SORCS1: variants seen among roughly 807,000 people sequenced by gnomAD.
SORCS1 encodes the protein VPS10 domain-containing receptor SorCS1.
SORCS1 carries 60 observed loss-of-function variants against 146.1 expected under a neutral mutation model. The ratio of observed to expected loss-of-function variants is 0.41; its 90% confidence interval spans 0.33 to 0.51. SORCS1 has a LOEUF of 0.51. Among genes scored for constraint, SORCS1 ranks in the 20% least tolerant of loss-of-function variants. The probability of loss-of-function intolerance (pLI) is 0.21; values close to 1 mark genes in which losing one functional copy is unlikely to be tolerated. For synonymous variants in SORCS1, 637 were observed against 584.0 expected, an observed-to-expected ratio of 1.09 and a Z score of -1.31; for missense variants, 1,352 against 1,487.6, an observed-to-expected ratio of 0.91 and a Z score of 1.50.
At chr10:107,021,185 C>T (rs1030527472) in intron 1 of SORCS1, among the ~76,000 whole-genome samples, 6 of 151,866 alleles carry the variant, frequency 4.0e-5, no homozygotes, top group African/African-American at 9.7e-5. Context: ...GAAGGAAGAC[C>T]GGCTATGTGG....
intron 3 of SORCS1, among the ~76,000 whole-genome samples, chr10:106,784,223 A>G (rs951624129): frequency 2.0e-5 from 3 of 152,010 alleles, no homozygotes; most frequent in African/African-American, 7.2e-5. Context: ...GTGAAACCCC[A>G]TCTCTACTAA....
chr10:107,031,655 G>A (rs541003083), intron 1 of SORCS1, among the ~76,000 whole-genome samples: 1 of 151,568 alleles, frequency 6.6e-6, no homozygotes, highest in Non-Finnish European at 1.5e-5. Context: ...CCAGGCTGGA[G>A]TGTAGTGACA....
At chr10:106,891,911 A>G (rs1462315980) in intron 2 of SORCS1, among the ~76,000 whole-genome samples, 3 of 152,188 alleles carry the variant, frequency 2.0e-5, no homozygotes, top group Non-Finnish European at 2.9e-5. Context: ...GTGAGGGTCC[A>G]GGGCTGGGGA....
intron 3 of SORCS1, among the ~76,000 whole-genome samples, chr10:106,790,284 C>G (rs1946252135): frequency 6.6e-6 from 1 of 152,076 alleles, no homozygotes; most frequent in African/African-American, 2.4e-5. Flanking sequence ...GAGGTTTGTT[C>G]TAGGTCCTGA....
At chr10:106,747,834 G>T (rs866651339) in intron 5 of SORCS1, among the ~76,000 whole-genome samples, 2 of 151,992 alleles carry the variant, frequency 1.3e-5, no homozygotes, top group Non-Finnish European at 2.9e-5. Context: ...ATAAATGTTT[G>T]AGAAGATGGA....
chr10:106,840,863 A>T (rs12775119), intron 2 of SORCS1, among the ~76,000 whole-genome samples: 3,663 of 124,106 alleles, frequency 0.03, 101 homozygotes, highest in African/African-American at 0.072. Flanking sequence ...ATATATATAT[A>T]TTTTTTTTTT....
At chr10:106,875,772 C>T (rs1031298077) in intron 2 of SORCS1, among the ~76,000 whole-genome samples, 8 of 151,972 alleles carry the variant, frequency 5.3e-5, no homozygotes, top group Admixed American at 6.6e-5. Context: ...AATGTCTGTT[C>T]ATGTCATTTG....
chr10:106,636,286 A>G (rs534929241), intron 18 of SORCS1, among the ~76,000 whole-genome samples: 1 of 152,270 alleles, frequency 6.6e-6, no homozygotes, highest in South Asian at 2.1e-4. Flanking sequence ...ATAGAAAAGG[A>G]AAACAATTGC....
At chr10:106,609,527 T>C (rs967426612) in intron 22 of SORCS1, among the ~76,000 whole-genome samples, 2 of 152,200 alleles carry the variant, frequency 1.3e-5, no homozygotes, top group Non-Finnish European at 2.9e-5. Flanking sequence ...AGTGGCCAAG[T>C]GCAATTACTG....
chr10:106,679,244 G>T lies in SORCS1; in HGVS notation c.1740+12C>A, dbSNP rs1207772529. On this transcript the variant is annotated intron_variant, in intron 12 of 25. Transcript: ENST00000263054. ...TTAAACTTCAGCGATTTGACCCAGG[G>T]TATTTTCTTACCTGTCTCCAGGTGT... 4 of 1,602,408 alleles carry T rather than the reference G, an allele frequency of 2.5e-6. No individual in the cohort carries two copies. Among genetic ancestry groups the T allele is most frequent in the Non-Finnish European group, 3.4e-6 (4 of 1,174,052 alleles).
At chr10:106,788,087 T>C (rs1946141473) in intron 3 of SORCS1, among the ~76,000 whole-genome samples, 1 of 151,404 alleles carries the variant, frequency 6.6e-6, no homozygotes, top group African/African-American at 2.4e-5. Flanking sequence ...ATATTATTAC[T>C]GACATGCAGA....
chr10:106,830,587 T>A (rs1948498657), intron 2 of SORCS1, among the ~76,000 whole-genome samples: 1 of 150,428 alleles, frequency 6.6e-6, no homozygotes, highest in Non-Finnish European at 1.5e-5. Flanking sequence ...CCTTTTTTTT[T>A]TTTTTAAAAA....
At chr10:107,127,804 C>G (rs149097396) in intron 1 of SORCS1, among the ~76,000 whole-genome samples, 1 of 152,286 alleles carries the variant, frequency 6.6e-6, no homozygotes, top group African/African-American at 2.4e-5. Flanking sequence ...GAATGTGAGG[C>G]AAACTGAGAG....
At chr10:107,167,251 C>T (rs551082344), upstream of SORCS1, among the ~76,000 whole-genome samples, 3 of 152,296 alleles carry the variant, frequency 2.0e-5, no homozygotes. Context: ...CAGTAATTTC[C>T]TAAATTATTC....
chr10:106,904,235 A>T (rs1951826921), intron 2 of SORCS1, among the ~76,000 whole-genome samples: 1 of 152,256 alleles, frequency 6.6e-6, no homozygotes, highest in African/African-American at 2.4e-5. Context: ...TAGCAGATTT[A>T]TACCAAATTT....
chr10:106,851,763 T>G (rs1189067757), intron 2 of SORCS1, among the ~76,000 whole-genome samples: 2 of 152,350 alleles, frequency 1.3e-5, no homozygotes, highest in African/African-American at 4.8e-5. Flanking sequence ...TAATTGAGAT[T>G]GTGTTGAATC....
chr10:106,839,496 T>C (rs1164466425), intron 2 of SORCS1, among the ~76,000 whole-genome samples: 1 of 152,128 alleles, frequency 6.6e-6, no homozygotes, highest in Non-Finnish European at 1.5e-5. Context: ...ATTTGGTTCA[T>C]GAGGAAAAAA....
At chr10:106,673,423 C>T (rs975430386) in intron 14 of SORCS1, among the ~76,000 whole-genome samples, 1 of 152,160 alleles carries the variant, frequency 6.6e-6, no homozygotes, top group African/African-American at 2.4e-5. Context: ...AGCCACCGCA[C>T]TTGGCCGAGG....
At chr10:106,594,769 G>C (rs1238969073) in intron 24 of SORCS1, among the ~76,000 whole-genome samples, 3 of 152,184 alleles carry the variant, frequency 2.0e-5, no homozygotes, top group African/African-American at 7.2e-5. Flanking sequence ...ATGAAGGATA[G>C]ACAAGTTGGC....
Sources: gnomAD v4.1 joint callset for allele counts (sites outside exome capture counted in the v4.1 genomes callset) on GRCh38, gnomAD v4.1.1 for gene constraint, MANE v1.5 for transcripts, NCBI Gene and HGNC (gene_info 2026-07-23, HGNC 2026-07-21) for gene names.